SYNPR: variants seen among roughly 807,000 people sequenced by gnomAD.
SYNPR encodes synaptoporin.
A neutral mutation model predicts 32.9 loss-of-function variants in SYNPR; 23 were observed. The ratio of observed to expected loss-of-function variants is 0.70; its 90% CI spans 0.50 to 0.99. SYNPR has a LOEUF of 0.99. Ranked by LOEUF, SYNPR falls within the 50% of genes least tolerant of loss-of-function variation. SYNPR has a pLI of 0.00. For missense variants in SYNPR, 318 were observed against 349.3 expected (o/e 0.91, Z 0.71); for synonymous variants, 146 against 135.9 (o/e 1.07, Z -0.52).
intron 2 of SYNPR, among the ~76,000 whole-genome samples, chr3:63,282,746 C>T (rs989998839): frequency 1.3e-5 from 2 of 149,534 alleles, no homozygotes; most frequent in Non-Finnish European, 3.0e-5. Flanking sequence ...GTAAATATAT[C>T]ATTGTATTTG....
chr3:63,474,160 C>T lies in SYNPR; in HGVS notation c.85-6672C>T, dbSNP rs1002446653. Among the ~76,000 whole-genome samples the T allele has an allele frequency of 3.3e-5, 5 of 152,128 alleles. No individual in the cohort carries two copies. The East Asian group carries it at 9.7e-4, about 29-fold the overall frequency. On this transcript the variant is annotated intron_variant, in intron 2 of 5. Coordinates refer to ENST00000478300, the MANE Select transcript of SYNPR (RefSeq NM_001130003.2). ...CCCTCTGAACACACCTCAAAATTGT[C>T]CCCCAAAAGGGCAAGAACATTGGAG...
chr3:63,488,172 A>C (rs1701190998), intron 3 of SYNPR, among the ~76,000 whole-genome samples: 1 of 152,228 alleles, frequency 6.6e-6, no homozygotes, highest in Admixed American at 6.5e-5. Flanking sequence ...AATTTGGGGA[A>C]AATAAAAGTG....
At chr3:63,283,619 A>C in intron 2 of SYNPR, among the ~76,000 whole-genome samples, 1 of 136,174 alleles carries the variant, frequency 7.3e-6, no homozygotes, top group African/African-American at 2.7e-5. Context: ...TTCCACAGAT[A>C]ATTCTTTTTT....
chr3:63,269,013 A>G (rs897568638), intron 3 of SYNPR, among the ~76,000 whole-genome samples: 2 of 152,226 alleles, frequency 1.3e-5, no homozygotes, highest in South Asian at 2.1e-4. Context: ...AAACCATTAT[A>G]TATTTAAGTA....
At chr3:63,566,122 GA>G (rs538957812) in intron 4 of SYNPR, among the ~76,000 whole-genome samples, 6 of 152,112 alleles carry the variant, frequency 3.9e-5, no homozygotes, top group African/African-American at 1.4e-4. Context: ...AATACTTCAG[GA>G]GCATTTATAT....
intron 3 of SYNPR, among the ~76,000 whole-genome samples, chr3:63,270,682 C>T (rs536132043): frequency 2.0e-5 from 3 of 152,232 alleles, no homozygotes; most frequent in South Asian, 2.1e-4. Flanking sequence ...GGTAATTTAA[C>T]TTATCTATGC....
intron 2 of SYNPR, among the ~76,000 whole-genome samples, chr3:63,378,069 G>T (rs1204457105): frequency 1.3e-5 from 2 of 151,164 alleles, no homozygotes; most frequent in African/African-American, 4.9e-5. Context: ...TTCAACAAAG[G>T]ATAATTCCAT....
chr3:63,524,895 G>A (rs1259369668), intron 3 of SYNPR, among the ~76,000 whole-genome samples: 1 of 143,826 alleles, frequency 7.0e-6, no homozygotes. Context: ...GAGAGAGAGA[G>A]AGAAGTCAGC....
chr3:63,454,299 A>G (rs939895247), intron 2 of SYNPR, among the ~76,000 whole-genome samples: 1 of 152,144 alleles, frequency 6.6e-6, no homozygotes, highest in African/African-American at 2.4e-5. Flanking sequence ...GGAAATAACT[A>G]TGTTTACCTT....
At chr3:63,509,379 T>C (rs1701652320) in intron 3 of SYNPR, among the ~76,000 whole-genome samples, 1 of 151,622 alleles carries the variant, frequency 6.6e-6, no homozygotes, top group Admixed American at 6.6e-5. Context: ...AGAATATACA[T>C]ATTCTTATAG....
chr3:63,538,406 T>C (rs1405848528), intron 3 of SYNPR, among the ~76,000 whole-genome samples: 1 of 152,096 alleles, frequency 6.6e-6, no homozygotes. Context: ...CAGTTGATGA[T>C]AATTAATATT....
chr3:63,237,859 AGGCCT>A lies in SYNPR; in HGVS notation n.66+9485_66+9489del, dbSNP rs535175627. On this transcript the variant is annotated intron_variant and non_coding_transcript_variant, in intron 1 of 4. Transcript: ENST00000478456. ...CTGAGGACCTGGTAGGGATTTCTCC[AGGCCT>A]GGCCTCAGGTGTCTCTGGGAGGGTT... 4.0e-3 allele frequency among the ~76,000 whole-genome samples: 604 copies of A among 152,170 alleles called. 1 individual carries two copies. The highest frequency in any genetic ancestry group is 5.9e-3 in the Non-Finnish European group (402 of 67,996).
intron 2 of SYNPR, among the ~76,000 whole-genome samples, chr3:63,419,189 G>GC (rs1396999352): frequency 2.0e-5 from 3 of 152,188 alleles, no homozygotes; most frequent in Admixed American, 6.5e-5. Context: ...GTGATGGCAA[G>GC]CCCCCTGGAT....
intron 3 of SYNPR, among the ~76,000 whole-genome samples, chr3:63,548,598 A>G (rs186099479): frequency 6.6e-6 from 1 of 152,334 alleles, no homozygotes; most frequent in African/African-American, 2.4e-5. Flanking sequence ...TATTTCATAT[A>G]GGGAAGAGAG....
intron 2 of SYNPR, among the ~76,000 whole-genome samples, chr3:63,263,998 G>T (rs2086460705): frequency 6.6e-6 from 1 of 152,038 alleles, no homozygotes; most frequent in South Asian, 2.1e-4. Context: ...TTACAAACAA[G>T]GCAACTGACA....
At chr3:63,536,726 T>C (rs1285697636) in intron 3 of SYNPR, among the ~76,000 whole-genome samples, 1 of 152,120 alleles carries the variant, frequency 6.6e-6, no homozygotes, top group Non-Finnish European at 1.5e-5. Flanking sequence ...AACTCAAATA[T>C]CTACCAATTG....
chr3:63,418,094 G>A (rs2088564911), intron 2 of SYNPR, among the ~76,000 whole-genome samples: 1 of 152,130 alleles, frequency 6.6e-6, no homozygotes, highest in Non-Finnish European at 1.5e-5. Context: ...CTTCCCTTAT[G>A]AAACTGACTG....
intron 3 of SYNPR, among the ~76,000 whole-genome samples, chr3:63,544,176 T>C (rs1284871170): frequency 6.6e-6 from 1 of 152,060 alleles, no homozygotes; most frequent in Non-Finnish European, 1.5e-5. Flanking sequence ...AAATACAGCT[T>C]GAAGATTGTG....
rs114284465 is a variant in SYNPR at position 63,486,851 on chromosome 3, A to G, written c.209+5895A>G. On this transcript the variant is annotated intron_variant, in intron 3 of 5. Coordinates refer to ENST00000478300, the MANE Select transcript of SYNPR (RefSeq NM_001130003.2). ...TCTTATACAAAGAATCTTAGTATAT[A>G]TGGGAGGTTTTTCCCAGTTGGCAGT... Among the ~76,000 whole-genome samples, 657 of 152,236 alleles carry G rather than the reference A, an allele frequency of 4.3e-3. 3 individuals are homozygous for G. Among genetic ancestry groups the G allele is most frequent in the African/African-American group, 0.015 (637 of 41,558 alleles).
Sources: allele counts gnomAD v4.1 joint callset (sites outside exome capture counted in the v4.1 genomes callset), GRCh38; gene constraint gnomAD v4.1.1; transcripts MANE v1.5; gene names NCBI Gene and HGNC (gene_info 2026-07-23, HGNC 2026-07-21).